The following PTPRN2 variants were observed in gnomAD, a reference collection of about 807,000 sequenced individuals.
PTPRN2 encodes protein tyrosine phosphatase receptor type N2, also known as receptor-type tyrosine-protein phosphatase N2.
A neutral mutation model predicts 118.8 loss-of-function variants in PTPRN2; 74 were observed. That is an observed-to-expected ratio of 0.62 (90% confidence interval 0.52 to 0.76). PTPRN2 has a LOEUF of 0.76. Ranked by LOEUF, PTPRN2 falls within the 30% of genes least tolerant of loss-of-function variation. The pLI is 0.00. For synonymous variants in PTPRN2, 641 were observed against 608.0 expected (o/e 1.05, Z -0.80); for missense variants, 1,481 against 1,394.4 (o/e 1.06, Z -0.99).
chr7:158,467,436 G>A (rs188487607), intron 2 of PTPRN2, among the ~76,000 whole-genome samples: 28 of 152,092 alleles, frequency 1.8e-4, no homozygotes, highest in Admixed American at 1.4e-3. Flanking sequence ...TTCCTTTACC[G>A]CACGGCAGCT....
At chr7:158,323,360 G>C (rs1373145073) in intron 2 of PTPRN2, among the ~76,000 whole-genome samples, 1 of 152,142 alleles carries the variant, frequency 6.6e-6, no homozygotes, top group African/African-American at 2.4e-5. Flanking sequence ...CAGAGTTCTA[G>C]GACGCAACCC....
In PTPRN2 at chr7:157,620,048, G is replaced by A. The variant is rs143762327; in HGVS notation, c.2344+1314C>T. On this transcript the variant is annotated intron_variant, in intron 15 of 22. Transcript: ENST00000389418. ...TCCCTCTGTTGCATCAGAGACATGCGCAAGGGCCTTGTCTTAGGGTCCTCA... is the reference window on the plus strand; with the variant it reads ...TCCCTCTGTTGCATCAGAGACATGCACAAGGGCCTTGTCTTAGGGTCCTCA... Among the ~76,000 whole-genome samples, 188 of 152,274 alleles carry A rather than the reference G, an allele frequency of 1.2e-3. 1 individual carries two copies. Among genetic ancestry groups the A allele is most frequent in the African/African-American group, 4.0e-3 (168 of 41,552 alleles).
chr7:157,970,970 G>C (rs1370208094), intron 11 of PTPRN2, among the ~76,000 whole-genome samples: 1 of 152,212 alleles, frequency 6.6e-6, no homozygotes, highest in Non-Finnish European at 1.5e-5. Flanking sequence ...ATTTTTGGAA[G>C]CAGCTGAAAT....
intron 3 of PTPRN2, among the ~76,000 whole-genome samples, chr7:158,244,098 C>T (rs1796049357): frequency 6.6e-6 from 1 of 152,204 alleles, no homozygotes; most frequent in African/African-American, 2.4e-5. Context: ...ATTTTCCCCA[C>T]TGACCACCAA....
chr7:157,695,627 C>T (rs1259055506), intron 12 of PTPRN2, among the ~76,000 whole-genome samples: 1 of 152,174 alleles, frequency 6.6e-6, no homozygotes, highest in Non-Finnish European at 1.5e-5. Flanking sequence ...TAGTAGTTGG[C>T]ATTGAGATAA....
At chr7:157,850,970 C>T (rs186628023) in intron 12 of PTPRN2, among the ~76,000 whole-genome samples, 11 of 152,318 alleles carry the variant, frequency 7.2e-5, no homozygotes, top group East Asian at 5.8e-4. Context: ...CGAGTTCTTG[C>T]TGGGGTGAAG....
rs1796983573 is a variant in PTPRN2, at chr7:157,682,945, A to G, written c.1789-8T>C. 6.3e-7 allele frequency: 1 copy of G among 1,597,160 alleles called. No individual in the cohort carries two copies. Among genetic ancestry groups the G allele is most frequent in the Non-Finnish European group, 8.6e-7 (1 of 1,165,494 alleles). On this transcript the variant is annotated splice_region_variant and splice_polypyrimidine_tract_variant and intron_variant, in intron 12 of 22. Coordinates refer to ENST00000389418, the MANE Select transcript of PTPRN2 (RefSeq NM_002847.5). ...GAACTTGAGTTTGCTTTTCTGCAGA[A>G]CAAGGAGAGAGGGGTGTGTTAGCTC...
intron 1 of PTPRN2, among the ~76,000 whole-genome samples, chr7:158,585,029 T>C (rs982022142): frequency 2.0e-5 from 3 of 152,154 alleles, no homozygotes; most frequent in Non-Finnish European, 4.4e-5. Context: ...ATAAATAGAT[T>C]ACAAATGGCA....
rs115363032 is a variant in PTPRN2 at position 158,580,501 on chromosome 7, C to T, written c.112+7057G>A. Among the ~76,000 whole-genome samples, 1,165 of 152,312 alleles carry T rather than the reference C, an allele frequency of 7.6e-3. 18 individuals are homozygous for T. The highest frequency in any genetic ancestry group is 0.026 in the African/African-American group (1,069 of 41,560). Reference sequence around the variant, plus strand: ...TTTTCAAAATGACCTTTCAGAACCACGTGGTGACGGAGCACCCACATCACA... The same window carrying T: ...TTTTCAAAATGACCTTTCAGAACCATGTGGTGACGGAGCACCCACATCACA... On this transcript the variant is annotated intron_variant, in intron 1 of 22. Transcript: ENST00000389418.
At chr7:158,060,165 A>C (rs35412069) in intron 11 of PTPRN2, among the ~76,000 whole-genome samples, 1 of 85,136 alleles carries the variant, frequency 1.2e-5, no homozygotes, top group South Asian at 5.0e-4. Context: ...CTCCATCTGC[A>C]CATGGTGACA....
intron 2 of PTPRN2, among the ~76,000 whole-genome samples, chr7:158,403,054 T>A (rs1358990068): frequency 6.6e-6 from 1 of 152,136 alleles, no homozygotes; most frequent in African/African-American, 2.4e-5. Flanking sequence ...TTCATATGCT[T>A]CCCAGGGGGT....
At chr7:157,675,971 A>G (rs1796647261) in intron 13 of PTPRN2, among the ~76,000 whole-genome samples, 1 of 152,102 alleles carries the variant, frequency 6.6e-6, no homozygotes, top group African/African-American at 2.4e-5. Flanking sequence ...GAAGGAAGAA[A>G]CGGAGGGGGG....
intron 2 of PTPRN2, among the ~76,000 whole-genome samples, chr7:158,445,859 T>C (rs1817687399): frequency 6.6e-6 from 1 of 152,188 alleles, no homozygotes; most frequent in African/African-American, 2.4e-5. Flanking sequence ...GGCAAGACCA[T>C]GTCAGTGCTC....
At chr7:158,257,318 T>C (rs1011515203) in intron 3 of PTPRN2, among the ~76,000 whole-genome samples, 1 of 118,500 alleles carries the variant, frequency 8.4e-6, no homozygotes, top group African/African-American at 3.6e-5. Flanking sequence ...TTCCTTTAAA[T>C]AAAAACTTAC....
At chr7:157,772,316 G>C (rs1023471247) in intron 12 of PTPRN2, among the ~76,000 whole-genome samples, 1,596 of 75,666 alleles carry the variant, frequency 0.021, 63 homozygotes, top group East Asian at 0.14. Context: ...GACACACATA[G>C]ACACAGACAC....
chr7:158,322,036 C>T (rs1321597235), intron 2 of PTPRN2, among the ~76,000 whole-genome samples: 3 of 152,200 alleles, frequency 2.0e-5, no homozygotes, highest in African/African-American at 4.8e-5. Context: ...TTCCCTGCAG[C>T]GTTGGGTGCT....
chr7:158,337,250 G>C (rs1183468807), intron 2 of PTPRN2, among the ~76,000 whole-genome samples: 7 of 150,974 alleles, frequency 4.6e-5, no homozygotes, highest in Non-Finnish European at 4.4e-5. Context: ...CACCATAAGA[G>C]CTGACACCTG....
intron 10 of PTPRN2, among the ~76,000 whole-genome samples, chr7:158,102,222 C>T (rs915440355): frequency 2.6e-5 from 4 of 152,206 alleles, no homozygotes; most frequent in South Asian, 2.1e-4. Context: ...AGCCCCTGTG[C>T]GCCTGAGCCA....
At chr7:157,842,261 A>G (rs1165171233) in intron 12 of PTPRN2, among the ~76,000 whole-genome samples, 1 of 152,042 alleles carries the variant, frequency 6.6e-6, no homozygotes, top group African/African-American at 2.4e-5. Context: ...GGGTCATTTC[A>G]GCGCGCTCCA....
Sources: allele counts gnomAD v4.1 joint callset (sites outside exome capture counted in the v4.1 genomes callset), GRCh38; gene constraint gnomAD v4.1.1; transcripts MANE v1.5; gene names NCBI Gene and HGNC (gene_info 2026-07-23, HGNC 2026-07-21).